Variants in SMG6 observed in about 807,000 individuals in gnomAD.
SMG6 encodes SMG6 nonsense mediated mRNA decay factor, also known as telomerase-binding protein EST1A.
Under a neutral mutation model 142.2 loss-of-function variants are expected in SMG6, and 66 were observed. That is an observed-to-expected ratio of 0.46 (90% CI 0.38 to 0.57). The LOEUF (loss-of-function observed/expected upper bound fraction) is 0.57. SMG6 is among the 20% of genes least tolerant of loss of function. The pLI, the probability that SMG6 is intolerant of heterozygous loss-of-function variation, is 0.00. For synonymous variants in SMG6, 779 were observed against 702.4 expected, an observed-to-expected ratio of 1.11 and a Z score of -1.72; for missense variants, 1,793 against 1,832.0, an observed-to-expected ratio of 0.98 and a Z score of 0.39.
At chr17:2,116,460 A>T (rs138862450) in intron 13 of SMG6, among the ~76,000 whole-genome samples, 33 of 152,344 alleles carry the variant, frequency 2.2e-4, no homozygotes, top group African/African-American at 7.7e-4. Context: ...ATGGTGGCTC[A>T]CGCCTGTAAT....
chr17:2,132,944 G>A (rs1383994471), intron 13 of SMG6, among the ~76,000 whole-genome samples: 1 of 152,120 alleles, frequency 6.6e-6, no homozygotes, highest in Admixed American at 6.6e-5. Context: ...ACCATGTCTG[G>A]CTAATTTTTG....
intron 10 of SMG6, among the ~76,000 whole-genome samples, chr17:2,220,195 C>A (rs192586397): frequency 1.3e-5 from 2 of 152,094 alleles, no homozygotes; most frequent in African/African-American, 2.4e-5. Context: ...TGAGCCACCA[C>A]GCTTGGCCTA....
chr17:2,206,361 G>C (rs992894329), intron 10 of SMG6, among the ~76,000 whole-genome samples: 1 of 151,992 alleles, frequency 6.6e-6, no homozygotes, highest in Non-Finnish European at 1.5e-5. Context: ...CGAGGCTGGA[G>C]AATCACTTGA....
chr17:2,152,153 G>A (rs112490124), intron 13 of SMG6, among the ~76,000 whole-genome samples: 1,563 of 152,306 alleles, frequency 0.01, 32 homozygotes, highest in African/African-American at 0.034. Context: ...CCAGTTGAAG[G>A]TAAGAGCCCA....
intron 13 of SMG6, among the ~76,000 whole-genome samples, chr17:2,137,246 A>G (rs1453177817): frequency 1.3e-5 from 2 of 152,166 alleles, no homozygotes; most frequent in East Asian, 1.9e-4. Context: ...GGTTACTACT[A>G]CCACACTAAT....
chr17:2,262,688 A>G (rs2074342550), intron 8 of SMG6, among the ~76,000 whole-genome samples: 1 of 152,176 alleles, frequency 6.6e-6, no homozygotes, highest in African/African-American at 2.4e-5. Context: ...CAGTGTATAT[A>G]TTTCTATTAT....
chr17:2,127,830 A>T (rs1001993998), intron 13 of SMG6: 2 of 551,484 alleles, frequency 3.6e-6, no homozygotes, highest in Non-Finnish European at 7.2e-6. Context: ...TCACATTCAC[A>T]GTCTGAGACA....
At chr17:2,222,759 TC>T (rs2073213764) in intron 10 of SMG6, among the ~76,000 whole-genome samples, 1 of 152,130 alleles carries the variant, frequency 6.6e-6, no homozygotes, top group Admixed American at 6.5e-5. Flanking sequence ...AGACTTTCTT[TC>T]CAAGTTTAAA....
At chr17:2,088,558 G>T in intron 13 of SMG6, 1 of 985,476 alleles carries the variant, frequency 1.0e-6, no homozygotes, top group South Asian at 4.7e-5. Context: ...ATCTACTGGG[G>T]TCTCTGACCT....
At chr17:2,143,138 G>A (rs1293169763) in intron 13 of SMG6, among the ~76,000 whole-genome samples, 4 of 152,096 alleles carry the variant, frequency 2.6e-5, no homozygotes, top group Non-Finnish European at 5.9e-5. Flanking sequence ...GTAAAATGTT[G>A]CAGCTGCTTT....
intron 10 of SMG6, among the ~76,000 whole-genome samples, chr17:2,211,101 T>TGAAA (rs375204812): frequency 7.1e-6 from 1 of 141,160 alleles, no homozygotes; most frequent in Admixed American, 7.1e-5. Context: ...TGGATTTTAT[T>TGAAA]AAAAAAAAAA....
intron 13 of SMG6, among the ~76,000 whole-genome samples, chr17:2,095,838 G>T (rs1279827516): frequency 7.4e-6 from 1 of 135,918 alleles, no homozygotes; most frequent in African/African-American, 2.8e-5. Context: ...GCAAACCCTC[G>T]CCCACCCACC....
At chr17:2,102,053 CCA>C (rs2069022901) in intron 13 of SMG6, among the ~76,000 whole-genome samples, 1 of 152,164 alleles carries the variant, frequency 6.6e-6, no homozygotes, top group African/African-American at 2.4e-5. Flanking sequence ...GGGTGACACG[CCA>C]CAGTCTAGGA....
chr17:2,261,684 A>G (rs1421679598), intron 8 of SMG6, among the ~76,000 whole-genome samples: 1 of 152,200 alleles, frequency 6.6e-6, no homozygotes, highest in Non-Finnish European at 1.5e-5. Flanking sequence ...GGTGTATGCT[A>G]TATCCCCAGT....
intron 13 of SMG6, among the ~76,000 whole-genome samples, chr17:2,099,382 TC>T (rs1427169191): frequency 6.6e-6 from 1 of 152,008 alleles, no homozygotes; most frequent in Non-Finnish European, 1.5e-5. Flanking sequence ...GAAGCCACGC[TC>T]TGGGCAGGTC....
At chr17:2,131,571 A>G (rs1210885116) in intron 13 of SMG6, among the ~76,000 whole-genome samples, 2 of 151,994 alleles carry the variant, frequency 1.3e-5, no homozygotes, top group Non-Finnish European at 2.9e-5. Flanking sequence ...ATGCTGGGGG[A>G]TTCCAGGCAT....
Position 2,079,565 on chromosome 17 carries a change from G to A in SMG6, c.3681+2245C>T, listed in dbSNP as rs187878210. On this transcript the variant is annotated intron_variant, in intron 15 of 18. Coordinates refer to ENST00000263073, the MANE Select transcript of SMG6 (RefSeq NM_017575.5). ...GCAGGAGAATCACTTGAACCTGGGA[G>A]GTGGAGGTTGCAGTGAGCTGAGATC... Among the ~76,000 whole-genome samples the A allele has an allele frequency of 2.0e-5, 3 of 151,978 alleles. No individual in the cohort carries two copies. In the East Asian group the frequency reaches 5.8e-4, roughly 30 times the overall value.
chr17:2,074,484 A>C (rs892739192), intron 15 of SMG6, among the ~76,000 whole-genome samples: 1 of 152,166 alleles, frequency 6.6e-6, no homozygotes, highest in Non-Finnish European at 1.5e-5. Context: ...GTACACTGCA[A>C]ATGAAAAACT....
chr17:2,258,257 T>C (rs1023606251), intron 8 of SMG6, among the ~76,000 whole-genome samples: 29 of 152,016 alleles, frequency 1.9e-4, no homozygotes, highest in Admixed American at 1.8e-3. Context: ...TTCTCGCCTT[T>C]TAAAAAAGGC....
Sources: allele counts gnomAD v4.1 joint callset (sites outside exome capture counted in the v4.1 genomes callset), GRCh38; gene constraint gnomAD v4.1.1; transcripts MANE v1.5; gene names NCBI Gene and HGNC (gene_info 2026-07-23, HGNC 2026-07-21).